TBX10: variants seen among roughly 807,000 people sequenced by gnomAD.
TBX10 encodes the protein T-box transcription factor TBX10.
In TBX10, 26 loss-of-function variants were observed where a neutral mutation model predicts 32.4. That is an observed-to-expected ratio of 0.80 (90% CI 0.59 to 1.11). The LOEUF is 1.11. TBX10 is among the 50% of genes most tolerant of loss of function. The probability of loss-of-function intolerance (pLI) is 0.00; values close to 1 mark genes in which losing one functional copy is unlikely to be tolerated. For missense variants in TBX10, 490 were observed against 494.5 expected (o/e 0.99, Z 0.09); for synonymous variants, 195 against 203.1 (o/e 0.96, Z 0.34).
chr11:67,631,901 G>A lies in TBX10; in HGVS notation c.869-7C>T, dbSNP rs117949580. 130 of 1,563,616 alleles carry A rather than the reference G, an allele frequency of 8.3e-5. No homozygotes were observed. In the East Asian group the frequency reaches 2.9e-3, roughly 35 times the overall value. On this transcript the variant is annotated splice_region_variant and splice_polypyrimidine_tract_variant and intron_variant, in intron 7 of 7. Transcript: ENST00000335385. ...GCTGAAGCTTTGTTGGGGTCTGAGG[G>A]AGGAAATGAGTGGACTCTGGGCCTC...
chr11:67,636,682 G>C (rs1413451502), intron 1 of TBX10, among the ~76,000 whole-genome samples: 4 of 151,594 alleles, frequency 2.6e-5, no homozygotes, highest in Non-Finnish European at 5.9e-5. Flanking sequence ...ATTTTTATTA[G>C]AGACGGGATT....
At position 67,635,239 on chromosome 11, in the gene TBX10, A is replaced by G. The variant is rs1855308819; in HGVS notation, c.32T>C (p.Ile11Thr). ...GGGGTAGGTCTCTGAGGGTGCAAGT[A>G]TGCCGAGGCCAGCAGATAGGAAGGC... Reference protein sequence around the residue: MAAFLSAGLGILAPSETYPLP... With the variant: MAAFLSAGLGTLAPSETYPLP... Residue 11 changes from isoleucine to threonine, a missense_variant, in exon 2 of 8, where the codon ATA becomes ACA. Ile to Thr is a moderately conservative substitution (Grantham distance 89). Around this residue, in one of 3 missense-constraint regions of TBX10, gnomAD observed 307 missense variants for 294.9 expected, o/e 1.04. Transcript: ENST00000335385. 1 of 1,613,576 alleles carries G rather than the reference A, an allele frequency of 6.2e-7. No homozygotes were observed. Among genetic ancestry groups the G allele is most frequent in the African/African-American group, 1.3e-5 (1 of 75,046 alleles).
intron 1 of TBX10, among the ~76,000 whole-genome samples, chr11:67,635,802 C>A (rs897293744): frequency 6.6e-6 from 1 of 152,178 alleles, no homozygotes; most frequent in African/African-American, 2.4e-5. Context: ...TTACCCATCC[C>A]TGACCTTGAC....
chr11:67,637,241 T>C (rs1354078408), intron 1 of TBX10, among the ~76,000 whole-genome samples: 6 of 152,214 alleles, frequency 3.9e-5, no homozygotes, highest in African/African-American at 1.4e-4. Flanking sequence ...AGATGCAAAA[T>C]GTTCTAGAGA....
At chr11:67,636,522 T>TTTA (rs200152296) in intron 1 of TBX10, among the ~76,000 whole-genome samples, 823 of 67,418 alleles carry the variant, frequency 0.012, 8 homozygotes, top group African/African-American at 0.024. Flanking sequence ...TATTTATTTA[T>TTTA]TTTTTTCCAG....
intron 7 of TBX10, 99 bp downstream of exon 7, chr11:67,632,219 G>T (rs1404871763): frequency 1.4e-6 from 2 of 1,385,090 alleles, no homozygotes; most frequent in Admixed American, 3.4e-5. Flanking sequence ...CTGTGGGTTC[G>T]CTGAGCTGCT....
chr11:67,639,963 G>T (rs1218576042), upstream of TBX10, among the ~76,000 whole-genome samples: 2 of 152,212 alleles, frequency 1.3e-5, no homozygotes, highest in African/African-American at 4.8e-5. Context: ...GCATCTGCAG[G>T]GGTCCAGGCC....
In TBX10 at chr11:67,635,187, C is replaced by G. The variant is rs1042942511; in HGVS notation, c.84G>C (p.Glu28Asp). 6 of 1,613,854 alleles carry G rather than the reference C, an allele frequency of 3.7e-6. No individual in the cohort carries two copies. The highest frequency in any genetic ancestry group is 5.1e-6 in the Non-Finnish European group (6 of 1,180,022). ...ATGGGAATGGTGACCCCAGCCGGGGCTCCCAGCCAGAGCTGGTTGTAGGTA... is the reference window on the plus strand; with the variant it reads ...ATGGGAATGGTGACCCCAGCCGGGGGTCCCAGCCAGAGCTGGTTGTAGGTA... ...YPLPTTSSGW[E>D]PRLGSPFPSG... Residue 28 changes from glutamate (E) to aspartate (D), a missense_variant, in exon 2 of 8, where the codon GAG becomes GAC. Around this residue, in one of 3 missense-constraint regions of TBX10, gnomAD observed 307 missense variants for 294.9 expected, o/e 1.04. Transcript: ENST00000335385.
At chr11:67,639,393 T>TGCCCCCCCCCCCCC in intron 1 of TBX10, 73 bp downstream of exon 1, 21 of 726,892 alleles carry the variant, frequency 2.9e-5, no homozygotes, top group Admixed American at 6.0e-5. Flanking sequence ...CTGTCTTGGT[T>TGCCCCCCCCCCCCC]CCCACCCTGC....
At chr11:67,641,662 G>A (rs548506077), upstream of TBX10, among the ~76,000 whole-genome samples, 20 of 152,330 alleles carry the variant, frequency 1.3e-4, no homozygotes, top group Admixed American at 1.0e-3. Context: ...GTGGCACTGC[G>A]AGGGGACTCT....
chr11:67,633,076 G>C lies in TBX10; in HGVS notation c.577C>G (p.Gln193Glu). The change falls in exon 5 of 8, where the codon CAG becomes GAG. Residue 193 changes from glutamine (Q) to glutamate (E), a missense_variant. Physicochemically the swap from Gln to Glu is conservative, Grantham distance 29. Coordinates refer to ENST00000335385, the MANE Select transcript of TBX10 (RefSeq NM_005995.5). ...HIILNSMHRY[Q>E]PRFHVVFVDP... ...ACGAAGACCACGTGGAAACGGGGCT[G>C]GTAGCGGTGCATAGAGTTGAGAATG... The C allele has an allele frequency of 6.2e-7, 1 of 1,614,108 alleles. No homozygotes were observed. Among genetic ancestry groups the C allele is most frequent in the Non-Finnish European group, 8.5e-7 (1 of 1,179,956 alleles).
upstream of TBX10, among the ~76,000 whole-genome samples, chr11:67,641,265 G>A (rs1855401501): frequency 6.6e-6 from 1 of 151,798 alleles, no homozygotes; most frequent in Admixed American, 6.6e-5. Context: ...CTGTGTGATG[G>A]GAAACAACCC....
rs557161457 is a variant in TBX10 at position 67,639,622 on chromosome 11, G to T, written c.-150C>A. Reference sequence around the variant, plus strand: ...ACAAGCTGTAGTCTCTCGGCAGGACGGTCCTTGCCTCCTCGATCGCCCTTC... The same window carrying T: ...ACAAGCTGTAGTCTCTCGGCAGGACTGTCCTTGCCTCCTCGATCGCCCTTC... On this transcript the variant is annotated 5_prime_UTR_variant, in exon 1 of 8. Transcript: ENST00000335385. The T allele has an allele frequency of 7.2e-4, 740 of 1,025,558 alleles. 1 individual carries two copies. The African/African-American group carries it at 9.8e-3, about 14-fold the overall frequency. The allele number at this position is 1,025,558 out of a possible 1,614,324, so 63.5% of individuals were successfully genotyped here.
chr11:67,641,603 G>A (rs779945448), upstream of TBX10, among the ~76,000 whole-genome samples: 7 of 152,234 alleles, frequency 4.6e-5, no homozygotes, highest in Non-Finnish European at 7.3e-5. Flanking sequence ...TGGCAGCCGT[G>A]GCCGCAGGGA....
chr11:67,634,512 T>C (rs780261480), intron 3 of TBX10, 152 bp from the exon 4 acceptor site: 2 of 975,904 alleles, frequency 2.0e-6, no homozygotes, highest in Non-Finnish European at 3.1e-6. Context: ...GAGAATCCTG[T>C]TGAGACCTGA....
Position 67,639,634 on chromosome 11 carries a change from C to G in TBX10, c.-162G>C. 1.1e-6 allele frequency: 1 copy of G among 901,332 alleles called. No individual in the cohort carries two copies. The highest frequency in any genetic ancestry group is 1.8e-6 in the Non-Finnish European group (1 of 564,848). The allele number at this position is 901,332 out of a possible 1,614,324, so 55.8% of individuals were successfully genotyped here. ...CTCTCGGCAGGACGGTCCTTGCCTC[C>G]TCGATCGCCCTTCGTCCACGTCCTG... On this transcript the variant is annotated 5_prime_UTR_variant, in exon 1 of 8. Transcript: ENST00000335385.
chr11:67,638,658 C>T (rs982957199), intron 1 of TBX10, among the ~76,000 whole-genome samples: 4 of 152,180 alleles, frequency 2.6e-5, no homozygotes, highest in South Asian at 2.1e-4. Context: ...GCCATGGCCA[C>T]GTCCTCAGCA....
chr11:67,638,239 A>G (rs560294443), intron 1 of TBX10, among the ~76,000 whole-genome samples: 100 of 147,258 alleles, frequency 6.8e-4, no homozygotes, highest in Admixed American at 4.2e-3. Context: ...ATAAATAAAT[A>G]TAAATAAATA....
At chr11:67,639,886 TC>T (rs1304516101), upstream of TBX10, among the ~76,000 whole-genome samples, 2 of 152,016 alleles carry the variant, frequency 1.3e-5, no homozygotes, top group Admixed American at 1.3e-4. Context: ...CCCCAGCCAT[TC>T]CTGATCGATG....
Sources: gnomAD v4.1 joint callset for allele counts (sites outside exome capture counted in the v4.1 genomes callset) on GRCh38, gnomAD v4.1.1 for gene constraint, gnomAD v4.1.1 regional missense constraint, MANE v1.5 for transcripts, NCBI Gene and HGNC (gene_info 2026-07-23, HGNC 2026-07-21) for gene names.